FSTL4: variants seen among roughly 807,000 people sequenced by gnomAD.
FSTL4 encodes follistatin like 4, also known as follistatin-related protein 4.
In FSTL4, 28 loss-of-function variants were observed where a neutral mutation model predicts 78.2. That is an observed-to-expected ratio of 0.36 (90% CI 0.27 to 0.49). The LOEUF (loss-of-function observed/expected upper bound fraction) is 0.49, where lower values mean the gene tolerates loss of function less well. Ranked by LOEUF, FSTL4 falls within the 20% of genes least tolerant of loss-of-function variation. The pLI, the probability that FSTL4 is intolerant of heterozygous loss-of-function variation, is 0.98. For synonymous variants in FSTL4, 422 were observed against 440.5 expected (o/e 0.96, Z 0.53); for missense variants, 922 against 1,084.9 (o/e 0.85, Z 2.11).
chr5:133,821,240 T>C, the FSTL4 span, among the ~76,000 whole-genome samples: 3 of 152,276 alleles, frequency 2.0e-5, no homozygotes, highest in African/African-American at 7.2e-5. Flanking sequence ...GCTAACATCA[T>C]GCCTTCAGCA....
At chr5:133,692,451 T>A in the FSTL4 span, among the ~76,000 whole-genome samples, 1 of 152,136 alleles carries the variant, frequency 6.6e-6, no homozygotes, top group Admixed American at 6.5e-5. Flanking sequence ...GCATAGTGGC[T>A]GTTGTTAAGT....
At chr5:133,380,248 A>G (rs1006072151) in intron 4 of FSTL4, among the ~76,000 whole-genome samples, 5 of 147,496 alleles carry the variant, frequency 3.4e-5, no homozygotes, top group Non-Finnish European at 7.5e-5. Context: ...AAACCCAAAA[A>G]TTGGTTCTTT....
Position 133,208,861 on chromosome 5 carries a change from G to A in FSTL4, c.1716+1330C>T, listed in dbSNP as rs373714858. On this transcript the variant is annotated intron_variant, in intron 14 of 15. Coordinates refer to ENST00000265342, the MANE Select transcript of FSTL4 (RefSeq NM_015082.2). ...AAGTTTGGTATTTTTAGTAGAGACG[G>A]GGTTTCACTATGTTGGCCAGGCTGG... Among the ~76,000 whole-genome samples, 204 of 152,222 alleles carry A rather than the reference G, an allele frequency of 1.3e-3. No individual in the cohort carries two copies. In the Middle Eastern group the frequency reaches 0.041, roughly 30 times the overall value.
chr5:133,490,352 G>A (rs534989323), intron 3 of FSTL4, among the ~76,000 whole-genome samples: 1 of 150,982 alleles, frequency 6.6e-6, no homozygotes, highest in East Asian at 1.9e-4. Flanking sequence ...TCTTGTCAGA[G>A]TTTGACAATT....
chr5:133,519,946 G>T (rs547389710), intron 3 of FSTL4, among the ~76,000 whole-genome samples: 3 of 152,296 alleles, frequency 2.0e-5, no homozygotes, highest in Admixed American at 1.3e-4. Flanking sequence ...AATTACTTGG[G>T]ATAAACAAGT....
Position 133,334,607 on chromosome 5 carries a change from T to C in FSTL4, c.410-17955A>G, listed in dbSNP as rs1754423823. 2.0e-5 allele frequency among the ~76,000 whole-genome samples: 3 copies of C among 152,222 alleles called. No homozygotes were observed. In the South Asian group the frequency reaches 6.2e-4, roughly 32 times the overall value. ...ATGACTTATTCATTTTCTCTCTGTGTTATGCTTCAATGATATGTTTATTTA... is the reference window on the plus strand; with the variant it reads ...ATGACTTATTCATTTTCTCTCTGTGCTATGCTTCAATGATATGTTTATTTA... On this transcript the variant is annotated intron_variant, in intron 4 of 15. Transcript: ENST00000265342.
At chr5:133,512,686 T>C (rs544374915) in intron 3 of FSTL4, among the ~76,000 whole-genome samples, 1 of 152,356 alleles carries the variant, frequency 6.6e-6, no homozygotes, top group African/African-American at 2.4e-5. Context: ...TTCACACATA[T>C]GTATATACCC....
chr5:133,265,735 C>A (rs1401501162), intron 6 of FSTL4, among the ~76,000 whole-genome samples: 1 of 152,206 alleles, frequency 6.6e-6, no homozygotes, highest in African/African-American at 2.4e-5. Flanking sequence ...GCTCCACAGG[C>A]TGCCCCTCCC....
chr5:133,751,497 A>G, the FSTL4 span, among the ~76,000 whole-genome samples: 1 of 152,222 alleles, frequency 6.6e-6, no homozygotes, highest in Non-Finnish European at 1.5e-5. Context: ...AGAGTTGTCA[A>G]ATCTGGCTTT....
intron 7 of FSTL4, among the ~76,000 whole-genome samples, chr5:133,242,431 AG>A (rs35150663): frequency 0.24 from 36,584 of 152,050 alleles, 5,634 homozygotes; most frequent in East Asian, 0.48. Context: ...TTCTGCAATC[AG>A]GGTATAGAAG....
chr5:133,761,397 T>G, the FSTL4 span, among the ~76,000 whole-genome samples: 55 of 152,296 alleles, frequency 3.6e-4, 2 homozygotes, highest in South Asian at 8.3e-3. Flanking sequence ...TCTCGGTAAA[T>G]AAAATCTCCA....
chr5:133,742,777 A>T, the FSTL4 span, among the ~76,000 whole-genome samples: 1 of 152,138 alleles, frequency 6.6e-6, no homozygotes, highest in Non-Finnish European at 1.5e-5. Context: ...TATGAACTGG[A>T]GACCCATGTG....
chr5:133,589,435 A>G (rs917708133), intron 2 of FSTL4, among the ~76,000 whole-genome samples: 3 of 152,122 alleles, frequency 2.0e-5, no homozygotes, highest in African/African-American at 7.2e-5. Context: ...ACCCACAGAC[A>G]CTGCCCTCAC....
intron 4 of FSTL4, among the ~76,000 whole-genome samples, chr5:133,371,187 C>T (rs1755290328): frequency 6.6e-6 from 1 of 152,344 alleles, no homozygotes; most frequent in East Asian, 1.9e-4. Context: ...CCATCAAGAC[C>T]GGCCAGCTCT....
rs148198095 is a variant in FSTL4 at position 133,600,194 on chromosome 5, A to C, written c.126+3664T>G. On this transcript the variant is annotated intron_variant, in intron 2 of 15. Coordinates refer to ENST00000265342, the MANE Select transcript of FSTL4 (RefSeq NM_015082.2). ...CAGTACAGTATTCAATAAATTACAT[A>C]AGATATTCAATATTTTATTATAAAA... 4.0e-4 allele frequency among the ~76,000 whole-genome samples: 61 copies of C among 151,670 alleles called. 1 individual carries two copies. The East Asian group carries it at 9.1e-3, about 23-fold the overall frequency.
chr5:133,340,059 C>T (rs1280216204), intron 4 of FSTL4, among the ~76,000 whole-genome samples: 1 of 152,078 alleles, frequency 6.6e-6, no homozygotes, highest in Non-Finnish European at 1.5e-5. Flanking sequence ...GCTGTTTCCC[C>T]CCACACTCGT....
At chr5:133,567,765 C>T (rs977464176) in intron 2 of FSTL4, among the ~76,000 whole-genome samples, 6 of 152,234 alleles carry the variant, frequency 3.9e-5, no homozygotes, top group African/African-American at 1.4e-4. Flanking sequence ...GTTCATGCCA[C>T]TGGACTAAAT....
At chr5:133,379,200 T>C (rs1271154464) in intron 4 of FSTL4, among the ~76,000 whole-genome samples, 1 of 152,088 alleles carries the variant, frequency 6.6e-6, no homozygotes, top group East Asian at 1.9e-4. Context: ...GGCTAATCAA[T>C]TTGAAAGATT....
the FSTL4 span, among the ~76,000 whole-genome samples, chr5:133,792,324 G>A: frequency 6.6e-6 from 1 of 152,208 alleles, no homozygotes. Flanking sequence ...TGAACATGGG[G>A]TCTGCCAGGC....
Sources: gnomAD v4.1 joint callset for allele counts (sites outside exome capture counted in the v4.1 genomes callset) on GRCh38, gnomAD v4.1.1 for gene constraint, MANE v1.5 for transcripts, NCBI Gene and HGNC (gene_info 2026-07-23, HGNC 2026-07-21) for gene names.